Variants in TTC3 observed in about 807,000 individuals in gnomAD.
TTC3 encodes the protein E3 ubiquitin-protein ligase TTC3.
A neutral mutation model predicts 249.6 loss-of-function variants in TTC3; 180 were observed. That is an observed-to-expected ratio of 0.72 (90% confidence interval 0.64 to 0.82). The LOEUF (loss-of-function observed/expected upper bound fraction) is 0.82. Among genes scored for constraint, TTC3 ranks in the 40% least tolerant of loss-of-function variants. TTC3 has a pLI of 0.00. For missense variants in TTC3, 2,061 were observed against 2,398.4 expected, an observed-to-expected ratio of 0.86 and a Z score of 2.94; for synonymous variants, 717 against 805.0, an observed-to-expected ratio of 0.89 and a Z score of 1.85.
intron 15 of TTC3, among the ~76,000 whole-genome samples, chr21:37,128,410 C>G (rs12185869): frequency 0.51 from 77,215 of 152,062 alleles, 20,436 homozygotes; most frequent in African/African-American, 0.64. Context: ...CCTTTTCCAG[C>G]CTTCCACCCT....
At chr21:37,074,895 G>A (rs769118495) in intron 1 of TTC3, among the ~76,000 whole-genome samples, 13 of 152,040 alleles carry the variant, frequency 8.6e-5, no homozygotes, top group Non-Finnish European at 1.6e-4. Context: ...AATACAGAGG[G>A]GGAGCTAACC....
chr21:37,159,459 A>G (rs969913074), intron 28 of TTC3: 3 of 492,778 alleles, frequency 6.1e-6, no homozygotes, highest in Non-Finnish European at 1.1e-5. Flanking sequence ...CATAGATGGT[A>G]CCTAGAAGGC....
At chr21:37,130,771 A>G (rs1056474924) in intron 16 of TTC3, among the ~76,000 whole-genome samples, 1 of 148,232 alleles carries the variant, frequency 6.7e-6, no homozygotes, top group East Asian at 2.0e-4. Context: ...CTCACTTTCT[A>G]TCCCTCTATC....
intron 10 of TTC3, among the ~76,000 whole-genome samples, chr21:37,100,505 G>A (rs1391772710): frequency 8.4e-6 from 1 of 118,806 alleles, no homozygotes; most frequent in Non-Finnish European, 2.0e-5. Flanking sequence ...TGGGGAAACA[G>A]ATGCTTCCTT....
At chr21:37,122,459 T>C (rs2076697226) in intron 12 of TTC3, among the ~76,000 whole-genome samples, 1 of 145,702 alleles carries the variant, frequency 6.9e-6, no homozygotes. Context: ...ATATAATGTT[T>C]TTTATATATA....
At chr21:37,178,072 CT>C (rs1453396015) in intron 35 of TTC3, among the ~76,000 whole-genome samples, 1 of 152,114 alleles carries the variant, frequency 6.6e-6, no homozygotes, top group Non-Finnish European at 1.5e-5. Flanking sequence ...TACATGTAGT[CT>C]TTTATAAGTG....
At chr21:37,074,196 C>G (rs1188292062) in intron 1 of TTC3, among the ~76,000 whole-genome samples, 1 of 152,244 alleles carries the variant, frequency 6.6e-6, no homozygotes, top group Non-Finnish European at 1.5e-5. Context: ...CTCGCCCCCG[C>G]GCCTCTTTCT....
At chr21:37,185,200 A>G (rs2083124487) in intron 36 of TTC3, among the ~76,000 whole-genome samples, 1 of 152,272 alleles carries the variant, frequency 6.6e-6, no homozygotes, top group African/African-American at 2.4e-5. Flanking sequence ...TGTGCAGGGC[A>G]TGGCTCAAGA....
chr21:37,148,384 T>C (rs2079161704), intron 22 of TTC3, among the ~76,000 whole-genome samples, 162 bp from the exon 23 acceptor site: 1 of 152,198 alleles, frequency 6.6e-6, no homozygotes, highest in African/African-American at 2.4e-5. Flanking sequence ...TCAGATGAAA[T>C]AATGTTTATA....
At chr21:37,104,071 T>G (rs547340266) in intron 10 of TTC3, among the ~76,000 whole-genome samples, 28 of 152,074 alleles carry the variant, frequency 1.8e-4, no homozygotes, top group Non-Finnish European at 2.2e-4. Flanking sequence ...ATATTGACAG[T>G]GGGAATGGAA....
chr21:37,142,593 A>G (rs1028441928), intron 20 of TTC3, among the ~76,000 whole-genome samples: 3 of 152,216 alleles, frequency 2.0e-5, no homozygotes, highest in African/African-American at 7.2e-5. Flanking sequence ...AATGAAATAA[A>G]AGAGGATACA....
intron 34 of TTC3, among the ~76,000 whole-genome samples, chr21:37,171,684 G>T (rs1360289739): frequency 6.6e-6 from 1 of 152,144 alleles, no homozygotes; most frequent in Non-Finnish European, 1.5e-5. Context: ...GTTAAGCATG[G>T]ACTCTATTTA....
exon 33 of TTC3, chr21:37,165,871 G>T (rs1193337834): frequency 3.1e-6 from 5 of 1,614,082 alleles, no homozygotes; most frequent in Non-Finnish European, 4.2e-6. Flanking sequence ...CAGATGTAAA[G>T]TCTAAACCAG....
rs749630254 is a variant in TTC3 at position 37,166,164 on chromosome 21, A to G, written c.3950A>G (p.Tyr1317Cys). 3.1e-6 allele frequency: 5 copies of G among 1,614,046 alleles called. No individual in the cohort carries two copies. In the East Asian group the frequency reaches 1.1e-4, roughly 36 times the overall value. Residue 1317 changes from tyrosine (Y) to cysteine (C), a missense_variant, in exon 33 of 46, where the codon TAC (tyrosine) becomes TGC (cysteine). Tyr to Cys is a radical substitution (Grantham distance 194). Transcript: ENST00000355666. ...GCTCAATCCCATTTGGTCACAGGAT[A>G]CTGTACGTATCTTCCTTTCCAGAGA... is the stretch of plus-strand genomic sequence containing the variant.
chr21:37,104,588 C>CAAAAAAAAAAAAAAAAAAAAAAAAAAA (rs141618903), intron 10 of TTC3, among the ~76,000 whole-genome samples: 6 of 104,302 alleles, frequency 5.8e-5, no homozygotes, highest in African/African-American at 1.5e-4. Context: ...AACTCCGTCT[C>CAAAAAAAAAAAAAAAAAAAAAAAAAAA]AAAAAAAAAA....
At chr21:37,180,876 T>G (rs1416115434) in intron 35 of TTC3, among the ~76,000 whole-genome samples, 1 of 151,966 alleles carries the variant, frequency 6.6e-6, no homozygotes, top group Non-Finnish European at 1.5e-5. Context: ...TATGTATATA[T>G]TATCAAAGGT....
chr21:37,189,641 G>A (rs979592576), intron 39 of TTC3, among the ~76,000 whole-genome samples: 2 of 152,042 alleles, frequency 1.3e-5, no homozygotes, highest in African/African-American at 4.8e-5. Flanking sequence ...TCTGCCTCCC[G>A]AGTTCACGCC....
At chr21:37,109,503 G>A (rs1379515435) in intron 11 of TTC3, among the ~76,000 whole-genome samples, 2 of 152,216 alleles carry the variant, frequency 1.3e-5, no homozygotes, top group Admixed American at 6.5e-5. Context: ...AGGTGGCAGC[G>A]AGGCTGGAGG....
At chr21:37,144,963 T>C (rs186865163) in intron 21 of TTC3, among the ~76,000 whole-genome samples, 1 of 152,226 alleles carries the variant, frequency 6.6e-6, no homozygotes, top group Admixed American at 6.5e-5. Context: ...AGCAAGCAAA[T>C]TGTGGTCCTG....
Sources: allele counts gnomAD v4.1 joint callset (sites outside exome capture counted in the v4.1 genomes callset), GRCh38; gene constraint gnomAD v4.1.1; transcripts MANE v1.5; gene names NCBI Gene and HGNC (gene_info 2026-07-23, HGNC 2026-07-21).